Variants in DPP10 observed in about 807,000 individuals in gnomAD.
DPP10 encodes dipeptidyl peptidase like 10.
Under a neutral mutation model 120.9 loss-of-function variants are expected in DPP10, and 33 were observed. The observed-to-expected ratio is 0.27, with a 90% confidence interval of 0.21 to 0.37. The LOEUF is 0.37. Among genes scored for constraint, DPP10 ranks in the 10% least tolerant of loss-of-function variants. The probability of loss-of-function intolerance (pLI) is 1.00; values close to 1 mark genes in which losing one functional copy is unlikely to be tolerated. For synonymous variants in DPP10, 337 were observed against 326.1 expected, an observed-to-expected ratio of 1.03 and a Z score of -0.36; for missense variants, 816 against 942.8, an observed-to-expected ratio of 0.87 and a Z score of 1.76.
chr2:115,592,050 T>C (rs2082696417), intron 5 of DPP10, among the ~76,000 whole-genome samples: 1 of 152,000 alleles, frequency 6.6e-6, no homozygotes, highest in South Asian at 2.1e-4. Flanking sequence ...CCCTACCTAC[T>C]AAAGGGGGTT....
At chr2:114,800,979 A>G (rs986931802) in intron 1 of DPP10, among the ~76,000 whole-genome samples, 1 of 152,010 alleles carries the variant, frequency 6.6e-6, no homozygotes, top group Non-Finnish European at 1.5e-5. Flanking sequence ...GTACAGAAGA[A>G]TGGGCCGGGC....
In DPP10 at chr2:114,886,591, A is replaced by T. The variant is rs572285664; in HGVS notation, c.61-422648A>T. Among the ~76,000 whole-genome samples the T allele has an allele frequency of 8.1e-4, 124 of 152,356 alleles. 1 individual carries two copies. Among genetic ancestry groups the T allele is most frequent in the African/African-American group, 2.9e-3 (121 of 41,586 alleles). On this transcript the variant is annotated intron_variant, in intron 1 of 25. Transcript: ENST00000410059. ...CTTTGTCTAGCATTGATTATGAAAT[A>T]ATTTGCCTATTAAAACTATAGAGAT...
intron 1 of DPP10, among the ~76,000 whole-genome samples, chr2:115,291,336 G>C (rs1447152050): frequency 6.6e-6 from 1 of 151,862 alleles, no homozygotes; most frequent in African/African-American, 2.4e-5. Flanking sequence ...CTTCTTCCCT[G>C]TTTCCCGGAC....
intron 1 of DPP10, among the ~76,000 whole-genome samples, chr2:114,642,278 G>A (rs13030268): frequency 0.016 from 2,449 of 151,886 alleles, 28 homozygotes; most frequent in Non-Finnish European, 0.025. Context: ...GCCTATGTAG[G>A]TCTTATCCAC....
At chr2:114,938,082 CATT>C (rs1696617060) in intron 1 of DPP10, among the ~76,000 whole-genome samples, 1 of 152,152 alleles carries the variant, frequency 6.6e-6, no homozygotes, top group Admixed American at 6.5e-5. Flanking sequence ...TAAAGTCACT[CATT>C]AAGTCAGCAT....
At chr2:114,524,916 G>T (rs1324112931) in intron 1 of DPP10, among the ~76,000 whole-genome samples, 1 of 152,174 alleles carries the variant, frequency 6.6e-6, no homozygotes, top group East Asian at 1.9e-4. Flanking sequence ...TGGAGATTTT[G>T]TACTTTTCCA....
chr2:115,283,137 G>T (rs2060229344), intron 1 of DPP10, among the ~76,000 whole-genome samples: 1 of 151,644 alleles, frequency 6.6e-6, no homozygotes, highest in Non-Finnish European at 1.5e-5. Flanking sequence ...TCTCATCCTG[G>T]CCTATTTCCC....
Position 115,309,365 on chromosome 2 carries a change from T to G in DPP10, c.175+12T>G. The G allele has an allele frequency of 6.2e-7, 1 of 1,608,448 alleles. No homozygotes were observed. Among genetic ancestry groups the G allele is most frequent in the Non-Finnish European group, 8.5e-7 (1 of 1,175,190 alleles). ...CCTCTTAACCCCAGGTAATCTGTCT[T>G]TATTCCTCTCTTATGATGGATGGTA... On this transcript the variant is annotated intron_variant, in intron 2 of 25. Coordinates refer to ENST00000410059, the MANE Select transcript of DPP10 (RefSeq NM_020868.6).
chr2:114,486,722 A>G (rs543272334), intron 1 of DPP10, among the ~76,000 whole-genome samples: 2 of 152,214 alleles, frequency 1.3e-5, no homozygotes, highest in East Asian at 3.9e-4. Context: ...AATGTTGAAA[A>G]TATTTGTGAT....
intron 1 of DPP10, among the ~76,000 whole-genome samples, chr2:114,483,182 A>T (rs955774733): frequency 4.6e-5 from 7 of 152,132 alleles, no homozygotes; most frequent in African/African-American, 1.7e-4. Context: ...AATTAACTGG[A>T]AATTAGTAAG....
At chr2:115,133,401 C>T (rs2050484745) in intron 1 of DPP10, among the ~76,000 whole-genome samples, 1 of 151,718 alleles carries the variant, frequency 6.6e-6, no homozygotes, top group Non-Finnish European at 1.5e-5. Context: ...ACATTGGGTA[C>T]TTACCAGAGT....
chr2:115,492,553 A>G (rs1056840394), intron 3 of DPP10, among the ~76,000 whole-genome samples: 1 of 152,028 alleles, frequency 6.6e-6, no homozygotes, highest in East Asian at 1.9e-4. Context: ...TGGGCGGTCT[A>G]TTTTTCAAGT....
intron 1 of DPP10, among the ~76,000 whole-genome samples, chr2:114,978,289 T>C (rs1198934729): frequency 1.3e-5 from 2 of 152,182 alleles, no homozygotes; most frequent in Non-Finnish European, 2.9e-5. Context: ...TCTATTATAT[T>C]TTAAGTAATT....
chr2:115,511,928 C>A (rs1575060534), intron 4 of DPP10, among the ~76,000 whole-genome samples: 1 of 151,610 alleles, frequency 6.6e-6, no homozygotes, highest in East Asian at 2.0e-4. Context: ...ACTGTGGTCT[C>A]ACTATGTTTC....
chr2:115,000,195 A>G (rs1002322575), intron 1 of DPP10, among the ~76,000 whole-genome samples: 2 of 151,718 alleles, frequency 1.3e-5, no homozygotes, highest in South Asian at 2.1e-4. Context: ...TTTTAATTAG[A>G]TTTTTATCTT....
chr2:115,410,366 A>G (rs2068853377), intron 3 of DPP10, among the ~76,000 whole-genome samples: 1 of 152,192 alleles, frequency 6.6e-6, no homozygotes, highest in African/African-American at 2.4e-5. Flanking sequence ...TATTCTCAGC[A>G]GACTAATGCA....
chr2:115,803,028 G>C (rs1685455999), intron 19 of DPP10, among the ~76,000 whole-genome samples: 1 of 152,056 alleles, frequency 6.6e-6, no homozygotes, highest in Non-Finnish European at 1.5e-5. Context: ...GTTGATAGTG[G>C]GCTGTTAAAG....
intron 1 of DPP10, among the ~76,000 whole-genome samples, chr2:114,651,589 G>A (rs955415303): frequency 5.3e-5 from 8 of 152,010 alleles, no homozygotes; most frequent in Non-Finnish European, 1.0e-4. Context: ...CCACTATTCC[G>A]TGACACTGTT....
At chr2:115,483,579 A>T (rs1484950139) in intron 3 of DPP10, among the ~76,000 whole-genome samples, 2 of 152,220 alleles carry the variant, frequency 1.3e-5, no homozygotes, top group Non-Finnish European at 2.9e-5. Flanking sequence ...CAAATTGCCC[A>T]TGATGTTAGA....
Sources: allele counts gnomAD v4.1 joint callset (sites outside exome capture counted in the v4.1 genomes callset), GRCh38; gene constraint gnomAD v4.1.1; transcripts MANE v1.5; gene names NCBI Gene and HGNC (gene_info 2026-07-23, HGNC 2026-07-21).